Variants in NFASC observed in about 807,000 individuals in gnomAD.
The protein encoded by NFASC is neurofascin.
NFASC carries 43 observed loss-of-function variants against 147.5 expected under a neutral mutation model. That is an observed-to-expected ratio of 0.29 (90% CI 0.23 to 0.38). The LOEUF is 0.38. Ranked by LOEUF, NFASC falls within the 10% of genes least tolerant of loss-of-function variation. The pLI, the probability that NFASC is intolerant of heterozygous loss-of-function variation, is 1.00. For synonymous variants in NFASC, 622 were observed against 665.5 expected (o/e 0.93, Z 1.01); for missense variants, 1,320 against 1,689.0 (o/e 0.78, Z 3.83).
intron 1 of NFASC, among the ~76,000 whole-genome samples, chr1:204,867,532 A>G (rs1472289594): frequency 6.6e-6 from 1 of 151,924 alleles, no homozygotes; most frequent in Admixed American, 6.6e-5. Flanking sequence ...AGATGCCCAC[A>G]TGTACTGAGT....
At chr1:204,936,020 A>G (rs1314072280) in intron 2 of NFASC, among the ~76,000 whole-genome samples, 1 of 152,086 alleles carries the variant, frequency 6.6e-6, no homozygotes, top group Non-Finnish European at 1.5e-5. Context: ...ACCCCAGTAT[A>G]AAAACAGTCA....
intron 10 of NFASC, among the ~76,000 whole-genome samples, chr1:204,970,136 G>A (rs2095179076): frequency 6.9e-6 from 1 of 145,576 alleles, no homozygotes; most frequent in Non-Finnish European, 1.5e-5. Context: ...CTAAAGAAAT[G>A]TTCATTAGGC....
chr1:204,981,165 C>T (rs1291209096), intron 20 of NFASC, among the ~76,000 whole-genome samples: 2 of 152,264 alleles, frequency 1.3e-5, no homozygotes, highest in Non-Finnish European at 2.9e-5. Flanking sequence ...GCTCCCACAG[C>T]AGCCTTGGCC....
chr1:204,839,641 C>G (rs767528316), intron 1 of NFASC, among the ~76,000 whole-genome samples: 1 of 152,142 alleles, frequency 6.6e-6, no homozygotes, highest in Non-Finnish European at 1.5e-5. Context: ...TGGGCTGTAC[C>G]GAGGTAGGGC....
At chr1:204,911,417 G>T (rs1287627919) in intron 1 of NFASC, among the ~76,000 whole-genome samples, 1 of 152,046 alleles carries the variant, frequency 6.6e-6, no homozygotes, top group African/African-American at 2.4e-5. Flanking sequence ...GAGGTCTCAA[G>T]ATATTGCCCA....
intron 1 of NFASC, among the ~76,000 whole-genome samples, chr1:204,915,618 T>C (rs2089028904): frequency 6.6e-6 from 1 of 152,226 alleles, no homozygotes; most frequent in Non-Finnish European, 1.5e-5. Context: ...AGGGATTAAC[T>C]ATTCAAAAAG....
intron 21 of NFASC, among the ~76,000 whole-genome samples, chr1:204,984,611 C>T (rs1367874306): frequency 4.6e-5 from 7 of 151,630 alleles, no homozygotes; most frequent in African/African-American, 1.5e-4. Context: ...CTACTGGGCT[C>T]CTTATCTCCT....
At position 204,968,987 on chromosome 1, in the gene NFASC, G is replaced by A. The variant is rs759517178; in HGVS notation, c.1003+5G>A. 6 of 1,611,446 alleles carry A rather than the reference G, an allele frequency of 3.7e-6. No homozygotes were observed. The highest frequency in any genetic ancestry group is 1.3e-5 in the African/African-American group (1 of 74,936). ...CGATCTCGGTGAGAGTAAAGGGTAC[G>A]TTGTGTGTATTTATCATTATGATTA... On this transcript the variant is annotated splice_donor_5th_base_variant and intron_variant, in intron 10 of 29. Coordinates refer to ENST00000339876, the MANE Select transcript of NFASC (RefSeq NM_001005388.3). This position sits in a 1 kb window ranked among gnomAD's most constrained non-coding sequence, Gnocchi z 5.4.
chr1:204,919,437 G>T (rs908474891), intron 1 of NFASC, among the ~76,000 whole-genome samples: 6 of 151,936 alleles, frequency 3.9e-5, no homozygotes, highest in Non-Finnish European at 8.8e-5. Context: ...TAAATAAATG[G>T]TAGCATATTA....
chr1:204,876,167 C>T (rs909305748), intron 1 of NFASC, among the ~76,000 whole-genome samples: 8 of 152,088 alleles, frequency 5.3e-5, no homozygotes, highest in African/African-American at 1.7e-4. Flanking sequence ...ATAATTTACA[C>T]TCAATAAAAT....
Position 205,009,144 on chromosome 1 carries a change from G to A in NFASC, c.3290-413G>A, listed in dbSNP as rs1003971581. On this transcript the variant is annotated intron_variant, in intron 27 of 29. Coordinates refer to ENST00000339876, the MANE Select transcript of NFASC (RefSeq NM_001005388.3). ...GCCTGCACTCCCTGATGGGTAGCTT[G>A]CCGGCTCCCATTTCTCCACCCTGGA... is the stretch of plus-strand genomic sequence containing the variant. 3 of 284,960 alleles carry A rather than the reference G, an allele frequency of 1.1e-5. No individual in the cohort carries two copies. The South Asian group carries it at 1.1e-4, about 11-fold the overall frequency. 17.7% of individuals were successfully genotyped at this position (284,960 alleles called of 1,614,324 possible). A position where few individuals can be genotyped will look rare whatever the true frequency, so the allele number is the denominator to read the frequency against.
chr1:205,006,893 G>A (rs942261070), intron 27 of NFASC, among the ~76,000 whole-genome samples: 10 of 152,158 alleles, frequency 6.6e-5, no homozygotes, highest in Admixed American at 2.0e-4. Context: ...CTGGGCTTAC[G>A]GTTGTGGAGG....
At chr1:205,008,757 G>GACTC (rs995867125) in intron 27 of NFASC, 9 of 153,238 alleles carry the variant, frequency 5.9e-5, no homozygotes, top group Non-Finnish European at 1.3e-4. Context: ...GACAGAGAGG[G>GACTC]ACTCACTGTC....
chr1:204,930,490 G>A (rs768660865), intron 2 of NFASC, among the ~76,000 whole-genome samples: 2 of 152,140 alleles, frequency 1.3e-5, no homozygotes, highest in African/African-American at 2.4e-5. Context: ...GTATCTGATA[G>A]GATGTCTGTC....
At chr1:204,904,061 A>G (rs928253172) in intron 1 of NFASC, among the ~76,000 whole-genome samples, 13 of 152,164 alleles carry the variant, frequency 8.5e-5, no homozygotes, top group African/African-American at 2.9e-4. Flanking sequence ...TAACATCGCT[A>G]GGCTTCAGAT....
intron 4 of NFASC, 53 bp from the exon 5 acceptor site, chr1:204,951,958 G>A (rs2094152526): frequency 6.8e-7 from 1 of 1,465,816 alleles, no homozygotes; most frequent in South Asian, 1.2e-5. Flanking sequence ...CCCCAAGCTG[G>A]ACCCCAGGGA....
At chr1:204,957,855 G>A in intron 8 of NFASC, 29 bp downstream of exon 8, 1 of 1,611,120 alleles carries the variant, frequency 6.2e-7, no homozygotes, top group Non-Finnish European at 8.5e-7. Context: ...CCCGGGGCTG[G>A]GGGCCAAAGA....
At position 204,975,220 on chromosome 1, in the gene NFASC, G is replaced by A; in HGVS notation, c.1559-51G>A. ...ATATGCCACTTTGTGGCCGCATGGG[G>A]ATGCTGGGCAGAGAACAGGCCAGTG... is the stretch of plus-strand genomic sequence containing the variant. On this transcript the variant is annotated intron_variant, in intron 14 of 29. Coordinates refer to ENST00000339876, the MANE Select transcript of NFASC (RefSeq NM_001005388.3). The surrounding 1 kb of genome is among the most constrained non-coding windows in gnomAD (Gnocchi z 4.0). The A allele has an allele frequency of 6.4e-7, 1 of 1,557,648 alleles. No homozygotes were observed. The highest frequency in any genetic ancestry group is 8.7e-7 in the Non-Finnish European group (1 of 1,150,614).
At chr1:204,980,544 G>C (rs749842041) in intron 20 of NFASC, 104 bp downstream of exon 20, 8 of 867,046 alleles carry the variant, frequency 9.2e-6, no homozygotes, top group Non-Finnish European at 1.5e-5. Flanking sequence ...ATGTGGTTCA[G>C]ACTCTCTGGC....
Sources: gnomAD v4.1 joint callset for allele counts (sites outside exome capture counted in the v4.1 genomes callset) on GRCh38, gnomAD v4.1.1 for gene constraint, Gnocchi (gnomAD v3.1) non-coding constraint, MANE v1.5 for transcripts, NCBI Gene and HGNC (gene_info 2026-07-23, HGNC 2026-07-21) for gene names.